Variants in LINGO2 observed in about 807,000 individuals in gnomAD.
LINGO2 encodes the protein leucine-rich repeat and immunoglobulin-like domain-containing nogo receptor-interacting protein 2.
LINGO2 carries 14 observed loss-of-function variants against 30.6 expected under a neutral mutation model. The observed-to-expected ratio is 0.46, with a 90% CI of 0.30 to 0.72. The LOEUF is 0.72. Ranked by LOEUF, LINGO2 falls within the 30% of genes least tolerant of loss-of-function variation. The pLI is 0.07. For synonymous variants in LINGO2, 317 were observed against 288.5 expected (o/e 1.10, Z -1.00); for missense variants, 729 against 751.7 (o/e 0.97, Z 0.35).
At chr9:28,015,536 C>T (rs899278004) in intron 4 of LINGO2, among the ~76,000 whole-genome samples, 3 of 152,072 alleles carry the variant, frequency 2.0e-5, no homozygotes, top group African/African-American at 7.2e-5. Context: ...CCGTGTTTGA[C>T]ATTGTCTGGA....
At chr9:29,059,503 G>C in the LINGO2 span, among the ~76,000 whole-genome samples, 2 of 151,716 alleles carry the variant, frequency 1.3e-5, no homozygotes, top group Admixed American at 1.3e-4. Flanking sequence ...CAGAAACTGA[G>C]ATGGTATGAT....
chr9:28,316,260 C>A (rs181188893), intron 3 of LINGO2, among the ~76,000 whole-genome samples: 3 of 151,876 alleles, frequency 2.0e-5, no homozygotes, highest in Non-Finnish European at 2.9e-5. Flanking sequence ...AATTTAATGA[C>A]TGTACAATGA....
At chr9:28,071,809 G>T (rs141130369) in intron 4 of LINGO2, among the ~76,000 whole-genome samples, 3 of 151,952 alleles carry the variant, frequency 2.0e-5, no homozygotes, top group African/African-American at 7.3e-5. Context: ...TATAGATGTA[G>T]ATATAAAATA....
the LINGO2 span, among the ~76,000 whole-genome samples, chr9:29,011,735 A>C: frequency 2.6e-5 from 4 of 152,282 alleles, no homozygotes; most frequent in South Asian, 8.3e-4. Context: ...CTTTGTAGGC[A>C]AAGTAGCCAA....
chr9:28,727,929 T>A, the LINGO2 span, among the ~76,000 whole-genome samples: 2 of 152,084 alleles, frequency 1.3e-5, no homozygotes, highest in African/African-American at 4.8e-5. Flanking sequence ...TGTCTTGAAG[T>A]TCTCTCAACG....
the LINGO2 span, among the ~76,000 whole-genome samples, chr9:28,806,972 T>C: frequency 2.0e-5 from 3 of 151,808 alleles, 1 homozygote; most frequent in South Asian, 6.2e-4. Context: ...TAATGTTTTC[T>C]ATAGGAGGTC....
At chr9:28,899,211 T>C in the LINGO2 span, among the ~76,000 whole-genome samples, 1 of 152,092 alleles carries the variant, frequency 6.6e-6, no homozygotes, top group Non-Finnish European at 1.5e-5. Context: ...GGCAACACAG[T>C]GTGAGAAGAG....
At chr9:28,172,593 C>T (rs1828634604) in intron 4 of LINGO2, among the ~76,000 whole-genome samples, 1 of 152,124 alleles carries the variant, frequency 6.6e-6, no homozygotes, top group Non-Finnish European at 1.5e-5. Flanking sequence ...AATCCTTAAT[C>T]AAACCTATAA....
At chr9:29,202,018 T>G in the LINGO2 span, among the ~76,000 whole-genome samples, 1 of 152,044 alleles carries the variant, frequency 6.6e-6, no homozygotes, top group Non-Finnish European at 1.5e-5. Context: ...GTTTTGGATA[T>G]GATTTAAAAC....
the LINGO2 span, among the ~76,000 whole-genome samples, chr9:28,874,072 T>C: frequency 6.6e-6 from 1 of 152,040 alleles, no homozygotes; most frequent in East Asian, 1.9e-4. Flanking sequence ...ACTTATTAAT[T>C]TGGTCATCTG....
chr9:28,523,938 T>C (rs781486982), intron 1 of LINGO2, among the ~76,000 whole-genome samples: 3 of 151,606 alleles, frequency 2.0e-5, no homozygotes, highest in Non-Finnish European at 4.4e-5. Flanking sequence ...ATTCTAAAAT[T>C]CAGGTGGAAA....
the LINGO2 span, among the ~76,000 whole-genome samples, chr9:28,738,594 T>C: frequency 6.6e-6 from 1 of 151,938 alleles, no homozygotes; most frequent in Non-Finnish European, 1.5e-5. Context: ...AGAAAATCAC[T>C]ACCAAAAAAA....
intron 1 of LINGO2, among the ~76,000 whole-genome samples, chr9:28,623,659 G>C (rs1826517707): frequency 6.6e-6 from 1 of 151,922 alleles, no homozygotes; most frequent in Non-Finnish European, 1.5e-5. Context: ...TTTTGCTTAG[G>C]ATAGCTTTGG....
At chr9:28,104,179 G>A (rs554009652) in intron 4 of LINGO2, among the ~76,000 whole-genome samples, 14 of 150,934 alleles carry the variant, frequency 9.3e-5, no homozygotes, top group Non-Finnish European at 1.8e-4. Flanking sequence ...AGGACAGGAA[G>A]GGTAAGTAAA....
chr9:28,611,511 C>T (rs1563863025), intron 1 of LINGO2, among the ~76,000 whole-genome samples: 1 of 152,246 alleles, frequency 6.6e-6, no homozygotes, highest in East Asian at 1.9e-4. Context: ...ACTGAAACTT[C>T]TTTACCTTTT....
At chr9:28,660,825 A>G (rs1828555700) in intron 1 of LINGO2, among the ~76,000 whole-genome samples, 1 of 152,148 alleles carries the variant, frequency 6.6e-6, no homozygotes, top group South Asian at 2.1e-4. Context: ...AAAATAAAAG[A>G]TTTTAGATGA....
chr9:28,396,871 G>A (rs1467704000), intron 2 of LINGO2, among the ~76,000 whole-genome samples: 1 of 151,998 alleles, frequency 6.6e-6, no homozygotes, highest in African/African-American at 2.4e-5. Context: ...CTAGTAAAAA[G>A]TTGAGGAGTG....
chr9:28,212,176 C>T (rs988355515), intron 4 of LINGO2, among the ~76,000 whole-genome samples: 5 of 151,454 alleles, frequency 3.3e-5, no homozygotes, highest in African/African-American at 1.2e-4. Flanking sequence ...AGTCCTATGA[C>T]TGCTAAATAA....
At chr9:27,995,712 T>C (rs932036045) in intron 5 of LINGO2, among the ~76,000 whole-genome samples, 2 of 152,164 alleles carry the variant, frequency 1.3e-5, no homozygotes, top group Non-Finnish European at 2.9e-5. Context: ...AGAAGTAATA[T>C]ACCTCTAAAC....
Sources: gnomAD v4.1 joint callset for allele counts (sites outside exome capture counted in the v4.1 genomes callset) on GRCh38, gnomAD v4.1.1 for gene constraint, MANE v1.5 for transcripts, NCBI Gene and HGNC (gene_info 2026-07-23, HGNC 2026-07-21) for gene names.